Variants in PPARD observed in about 807,000 individuals in gnomAD.
The protein encoded by PPARD is peroxisome proliferator activated receptor delta.
A neutral mutation model predicts 39.5 loss-of-function variants in PPARD; 6 were observed. The observed-to-expected ratio is 0.15, with a 90% CI of 0.08 to 0.30. PPARD has a LOEUF of 0.30. PPARD is among the 10% of genes least tolerant of loss of function. The pLI is 1.00. For missense variants in PPARD, 397 were observed against 596.8 expected, an observed-to-expected ratio of 0.67 and a Z score of 3.49; for synonymous variants, 210 against 231.3, an observed-to-expected ratio of 0.91 and a Z score of 0.83.
chr6:35,381,441 T>C (rs1284335172), intron 2 of PPARD, among the ~76,000 whole-genome samples: 1 of 152,158 alleles, frequency 6.6e-6, no homozygotes, highest in Non-Finnish European at 1.5e-5. Flanking sequence ...AGAAATTTTT[T>C]CTATTGTGAA....
At chr6:35,350,782 T>C (rs1312737108) in intron 2 of PPARD, among the ~76,000 whole-genome samples, 2 of 151,224 alleles carry the variant, frequency 1.3e-5, no homozygotes, top group East Asian at 3.9e-4. Context: ...TGTGTCACCA[T>C]GCCTGGCTAA....
At chr6:35,374,773 C>T (rs534222274) in intron 2 of PPARD, among the ~76,000 whole-genome samples, 117 of 152,100 alleles carry the variant, frequency 7.7e-4, no homozygotes, top group Non-Finnish European at 1.4e-3. Flanking sequence ...TCCTAAAACT[C>T]AGCACTCCCC....
At chr6:35,411,913 C>T (rs1765455175) in intron 3 of PPARD, among the ~76,000 whole-genome samples, 1 of 152,046 alleles carries the variant, frequency 6.6e-6, no homozygotes, top group Non-Finnish European at 1.5e-5. Flanking sequence ...TTCCCTGCTG[C>T]AGTTCCCCCT....
rs1275074475 is a variant in PPARD at position 35,427,114 on chromosome 6, C to A, written c.*1035C>A. 2 of 153,506 alleles carry A rather than the reference C, an allele frequency of 1.3e-5. No homozygotes were observed. The highest frequency in any genetic ancestry group is 1.9e-4 in the East Asian group (1 of 5,268). The allele number at this position is 153,506 out of a possible 1,614,324, so 9.5% of individuals were successfully genotyped here. A position where few individuals can be genotyped will look rare whatever the true frequency, so the allele number is the denominator to read the frequency against. On this transcript the variant is annotated 3_prime_UTR_variant, in exon 8 of 8. Coordinates refer to ENST00000360694, the MANE Select transcript of PPARD (RefSeq NM_006238.5). ...GCCAGCACTCCCACTGCCCCCCTGC[C>A]CAGTAGCAGCCGCCCACATTGTGTC... is the stretch of plus-strand genomic sequence containing the variant.
chr6:35,364,462 C>T (rs1173092215), intron 2 of PPARD, among the ~76,000 whole-genome samples: 1 of 129,894 alleles, frequency 7.7e-6, no homozygotes, highest in African/African-American at 3.1e-5. Flanking sequence ...GAGACGGCAT[C>T]TTGCTCTGTT....
At chr6:35,383,371 G>T (rs1472435896) in intron 2 of PPARD, among the ~76,000 whole-genome samples, 6 of 151,920 alleles carry the variant, frequency 3.9e-5, no homozygotes, top group African/African-American at 1.5e-4. Context: ...GCGTGGTCCC[G>T]GCTCGCTACA....
chr6:35,414,278 G>A (rs568134498), intron 3 of PPARD, among the ~76,000 whole-genome samples: 56 of 152,290 alleles, frequency 3.7e-4, no homozygotes, highest in Non-Finnish European at 4.9e-4. Context: ...GAAGGCACCG[G>A]AAGAGTCTAT....
chr6:35,425,813 G>A lies in PPARD; in HGVS notation c.1079-19G>A, dbSNP rs746489247. 5.3e-5 allele frequency: 86 copies of A among 1,612,236 alleles called. No homozygotes were observed. The highest frequency in any genetic ancestry group is 1.6e-4 in the East Asian group (7 of 44,892). On this transcript the variant is annotated intron_variant, in intron 7 of 7. Transcript: ENST00000360694. The surrounding 1 kb of genome is among the most constrained non-coding windows in gnomAD (Gnocchi z 4.5). ...CCACTGCCTTTCTGAGCTCCCTGGC[G>A]TGCCCTGTGTCCCCACAGACCGGCC...
chr6:35,349,060 C>A, intron 2 of PPARD: 5 of 969,478 alleles, frequency 5.2e-6, no homozygotes, highest in Non-Finnish European at 6.1e-6. Flanking sequence ...GAGTCTCGCT[C>A]TGTCACCCAG....
chr6:35,421,654 T>A (rs62402063), intron 4 of PPARD, among the ~76,000 whole-genome samples, 166 bp from the exon 5 acceptor site: 9 of 152,226 alleles, frequency 5.9e-5, no homozygotes, highest in Non-Finnish European at 1.2e-4. Flanking sequence ...ATAGTTTTAA[T>A]TAAAGTTTTA....
At chr6:35,347,029 T>C (rs1293463470) in intron 1 of PPARD, 38 bp from the exon 2 acceptor site, 2 of 1,358,492 alleles carry the variant, frequency 1.5e-6, no homozygotes, top group African/African-American at 2.9e-5. Context: ...CCCTGGCACC[T>C]GTCAGCTAAA....
rs547132587 is a variant in PPARD, at chr6:35,376,317, A to T, written c.-102+29167A>T. ...ATGCCTCTTAGACATATTGTTGAGC[A>T]TTTTACCACCAAAGTCTCTATATTT... On this transcript the variant is annotated intron_variant, in intron 2 of 7. Transcript: ENST00000360694. 1.3e-4 allele frequency among the ~76,000 whole-genome samples: 20 copies of T among 152,260 alleles called. No individual in the cohort carries two copies. In the South Asian group the frequency reaches 3.9e-3, roughly 30 times the overall value.
At chr6:35,367,760 A>G (rs1364605638) in intron 2 of PPARD, among the ~76,000 whole-genome samples, 1 of 152,188 alleles carries the variant, frequency 6.6e-6, no homozygotes, top group Non-Finnish European at 1.5e-5. Context: ...TCAAGAGTCT[A>G]TCCTGAACTT....
In PPARD at chr6:35,412,435, A is replaced by G. The variant is rs912308682; in HGVS notation, c.130+1218A>G. Among the ~76,000 whole-genome samples the G allele has an allele frequency of 6.6e-6, 1 of 152,180 alleles. No homozygotes were observed. Among genetic ancestry groups the G allele is most frequent in the East Asian group, 1.9e-4 (1 of 5,196 alleles). ...CAGGCGGTGACTCAGGCAGAGGAGC[A>G]AGCCCACCCCGCAGAAATGGGCTCT... On this transcript the variant is annotated intron_variant, in intron 3 of 7. Transcript: ENST00000360694. This position sits in a 1 kb window ranked among gnomAD's most constrained non-coding sequence, Gnocchi z 4.1.
At chr6:35,387,846 C>G (rs1276685004) in intron 2 of PPARD, among the ~76,000 whole-genome samples, 1 of 151,218 alleles carries the variant, frequency 6.6e-6, no homozygotes, top group Non-Finnish European at 1.5e-5. Flanking sequence ...CTCAGCCTCC[C>G]AAGTAGCTGG....
intron 1 of PPARD, among the ~76,000 whole-genome samples, chr6:35,343,051 C>T (rs1312611729): frequency 6.6e-6 from 1 of 152,186 alleles, no homozygotes; most frequent in Non-Finnish European, 1.5e-5. Flanking sequence ...CTCTCCCATT[C>T]CCCTCCCCTG....
At chr6:35,400,503 T>G (rs1764634418) in intron 2 of PPARD, among the ~76,000 whole-genome samples, 1 of 152,096 alleles carries the variant, frequency 6.6e-6, no homozygotes, top group Non-Finnish European at 1.5e-5. Flanking sequence ...CTTAATTGTT[T>G]GTAAAGAAAT....
In PPARD at chr6:35,419,869, A is replaced by G. The variant is rs569809894; in HGVS notation, c.131-258A>G. Among the ~76,000 whole-genome samples, 3 of 152,250 alleles carry G rather than the reference A, an allele frequency of 2.0e-5. No individual in the cohort carries two copies. The South Asian group carries it at 6.2e-4, about 32-fold the overall frequency. On this transcript the variant is annotated intron_variant, in intron 3 of 7. Coordinates refer to ENST00000360694, the MANE Select transcript of PPARD (RefSeq NM_006238.5). ...CCAGGAAGCCTCTGACCCAGCCCTG[A>G]TGGTAATAGCTGCTGTGTACTGGAC... is the stretch of plus-strand genomic sequence containing the variant.
At position 35,382,210 on chromosome 6, in the gene PPARD, G is replaced by A. The variant is rs11754932; in HGVS notation, c.-101-28777G>A. Among the ~76,000 whole-genome samples the A allele has an allele frequency of 2.0e-5, 3 of 152,192 alleles. No individual in the cohort carries two copies. The South Asian group carries it at 6.2e-4, about 31-fold the overall frequency. On this transcript the variant is annotated intron_variant, in intron 2 of 7. Coordinates refer to ENST00000360694, the MANE Select transcript of PPARD (RefSeq NM_006238.5). ...CATGTGTTTGAAGAGCCAAGTCCCAGGGCCATTAGGCAATTAGAGGCCTGT... is the reference window on the plus strand; with the variant it reads ...CATGTGTTTGAAGAGCCAAGTCCCAAGGCCATTAGGCAATTAGAGGCCTGT...
Sources: allele counts gnomAD v4.1 joint callset (sites outside exome capture counted in the v4.1 genomes callset), GRCh38; gene constraint gnomAD v4.1.1; non-coding constraint Gnocchi (gnomAD v3.1); transcripts MANE v1.5; gene names NCBI Gene and HGNC (gene_info 2026-07-23, HGNC 2026-07-21).